Variants in HDAC4 observed in about 807,000 individuals in gnomAD.
HDAC4 encodes the protein histone deacetylase A.
In HDAC4, 16 loss-of-function variants were observed where a neutral mutation model predicts 135.1. The ratio of observed to expected loss-of-function variants is 0.12; its 90% confidence interval spans 0.08 to 0.18. The LOEUF (loss-of-function observed/expected upper bound fraction) is 0.18. Ranked by LOEUF, HDAC4 falls within the 10% of genes least tolerant of loss-of-function variation. The pLI, the probability that HDAC4 is intolerant of heterozygous loss-of-function variation, is 1.00. For synonymous variants in HDAC4, 685 were observed against 653.4 expected (o/e 1.05, Z -0.74); for missense variants, 1,143 against 1,511.8 (o/e 0.76, Z 4.05).
intron 2 of HDAC4, among the ~76,000 whole-genome samples, chr2:239,255,484 G>A (rs1017667623): frequency 6.6e-6 from 1 of 152,154 alleles, no homozygotes; most frequent in African/African-American, 2.4e-5. Context: ...TTCTCTTTGA[G>A]AGACCGTCAT....
rs775488590 is a variant in HDAC4 at position 239,095,060 on chromosome 2, T to TG, written c.2234-5dup. The TG allele has an allele frequency of 3.2e-5, 51 of 1,612,996 alleles. 1 individual carries two copies. Among genetic ancestry groups the TG allele is most frequent in the South Asian group, 1.8e-4 (16 of 91,054 alleles). ...ACGAACACGGAGGCGAGCGAGCCTG[T>TG]GGGGGGGAGGGAGACGGTCAGAGAG... On this transcript the variant is annotated splice_region_variant and splice_polypyrimidine_tract_variant and intron_variant, in intron 16 of 26. Transcript: ENST00000543185.
chr2:239,116,092 C>A (rs761740181), intron 12 of HDAC4, among the ~76,000 whole-genome samples: 10 of 152,110 alleles, frequency 6.6e-5, no homozygotes, highest in Non-Finnish European at 1.3e-4. Flanking sequence ...CCTCTCAGTG[C>A]GGAACAGGCG....
intron 3 of HDAC4, among the ~76,000 whole-genome samples, chr2:239,197,766 T>C (rs888890844): frequency 6.6e-6 from 1 of 152,152 alleles, no homozygotes; most frequent in Non-Finnish European, 1.5e-5. Context: ...ATTCTTTTTT[T>C]AAAATGTCAT....
intron 20 of HDAC4, among the ~76,000 whole-genome samples, chr2:239,083,738 C>A (rs1010342556): frequency 1.3e-5 from 2 of 152,198 alleles, no homozygotes; most frequent in African/African-American, 4.8e-5. Context: ...GGTGCCCACA[C>A]AGCAGCAGGA....
At chr2:239,081,286 G>A in intron 21 of HDAC4, 94 bp from the exon 22 acceptor site, 1 of 992,954 alleles carries the variant, frequency 1.0e-6, no homozygotes, top group Non-Finnish European at 1.5e-6. Flanking sequence ...GATGGGCTCG[G>A]CCTTGGTGGG....
At chr2:239,276,370 C>G (rs2050365835) in intron 2 of HDAC4, among the ~76,000 whole-genome samples, 1 of 152,238 alleles carries the variant, frequency 6.6e-6, no homozygotes, top group African/African-American at 2.4e-5. Flanking sequence ...CTCCAGCTCC[C>G]TGTGTCTGGA....
chr2:239,274,737 G>A (rs2050252936), intron 2 of HDAC4, among the ~76,000 whole-genome samples: 3 of 152,128 alleles, frequency 2.0e-5, no homozygotes, highest in African/African-American at 4.8e-5. Flanking sequence ...GTGACTCAAC[G>A]GAGGGCAAGC....
chr2:239,337,716 G>A (rs1057497611), intron 2 of HDAC4, among the ~76,000 whole-genome samples: 4 of 152,098 alleles, frequency 2.6e-5, no homozygotes, highest in Non-Finnish European at 5.9e-5. Flanking sequence ...CGACGGGGGA[G>A]ACAGGATGCA....
chr2:239,267,396 G>A (rs879258956), intron 2 of HDAC4, among the ~76,000 whole-genome samples: 3 of 152,196 alleles, frequency 2.0e-5, no homozygotes, highest in East Asian at 1.9e-4. Context: ...AGTTCCCAGC[G>A]GAGCACCAGG....
At chr2:239,126,114 T>C (rs1402581947) in intron 12 of HDAC4, among the ~76,000 whole-genome samples, 1 of 152,230 alleles carries the variant, frequency 6.6e-6, no homozygotes, top group Non-Finnish European at 1.5e-5. Context: ...CTGGCACTGA[T>C]GCACCACAGG....
chr2:239,208,663 C>G (rs1001955790), intron 3 of HDAC4, among the ~76,000 whole-genome samples: 3 of 152,028 alleles, frequency 2.0e-5, no homozygotes, highest in African/African-American at 7.3e-5. Context: ...CCACCCCCAC[C>G]ACCTGCAAAG....
In HDAC4 at chr2:239,049,053, GAGAC is replaced by G. The variant is rs1276692962; in HGVS notation, c.*4040_*4043del. 1.3e-5 allele frequency: 2 copies of G among 152,260 alleles called. No homozygotes were observed. Among genetic ancestry groups the G allele is most frequent in the South Asian group, 2.1e-4 (1 of 4,834 alleles). 9.4% of individuals were successfully genotyped at this position (152,260 alleles called of 1,614,324 possible). On this transcript the variant is annotated 3_prime_UTR_variant, in exon 27 of 27. Coordinates refer to ENST00000543185, the MANE Select transcript of HDAC4 (RefSeq NM_001378414.1). ...AAAATTCCTCCAAATCAACTCGAGA[GAGAC>G]AGGCAGTTCACTGTGAATTCTGAGT...
At chr2:239,238,680 C>A (rs1439260817) in intron 2 of HDAC4, among the ~76,000 whole-genome samples, 1 of 152,188 alleles carries the variant, frequency 6.6e-6, no homozygotes, top group Non-Finnish European at 1.5e-5. Context: ...TGCCTGAGCC[C>A]AAAAGGCGGA....
chr2:239,098,058 TG>T (rs1347418303), intron 16 of HDAC4, among the ~76,000 whole-genome samples: 3 of 152,264 alleles, frequency 2.0e-5, no homozygotes, highest in African/African-American at 7.2e-5. Flanking sequence ...TAGCCAACCA[TG>T]TCTACATTAA....
intron 3 of HDAC4, among the ~76,000 whole-genome samples, chr2:239,197,760 T>C (rs1295220678): frequency 1.3e-5 from 2 of 152,180 alleles, no homozygotes; most frequent in African/African-American, 2.4e-5. Flanking sequence ...CTGGATATTC[T>C]TTTTTTAAAA....
chr2:239,235,575 G>A (rs2047840368), intron 3 of HDAC4, among the ~76,000 whole-genome samples: 1 of 152,322 alleles, frequency 6.6e-6, no homozygotes, highest in East Asian at 1.9e-4. Context: ...TCAGCCCCAC[G>A]CCATCAGGAG....
At chr2:239,284,335 G>C (rs2051008232) in intron 2 of HDAC4, among the ~76,000 whole-genome samples, 1 of 152,212 alleles carries the variant, frequency 6.6e-6, no homozygotes, top group South Asian at 2.1e-4. Flanking sequence ...CCAGGGAGTG[G>C]GCAGAGTGAG....
At chr2:239,096,257 G>A (rs2037019374) in intron 16 of HDAC4, among the ~76,000 whole-genome samples, 1 of 152,052 alleles carries the variant, frequency 6.6e-6, no homozygotes, top group Non-Finnish European at 1.5e-5. Context: ...ATGGCCCCAA[G>A]CTGCAGGAGA....
chr2:239,382,132 G>A (rs981229972), intron 1 of HDAC4, among the ~76,000 whole-genome samples: 2 of 152,240 alleles, frequency 1.3e-5, no homozygotes, highest in Non-Finnish European at 2.9e-5. Context: ...ACACCAGCAG[G>A]AGCTGCCTTC....
Sources: allele counts gnomAD v4.1 joint callset (sites outside exome capture counted in the v4.1 genomes callset), GRCh38; gene constraint gnomAD v4.1.1; transcripts MANE v1.5; gene names NCBI Gene and HGNC (gene_info 2026-07-23, HGNC 2026-07-21).